Variants in TMPRSS9 observed in about 807,000 individuals in gnomAD.
TMPRSS9 encodes transmembrane protease serine 9.
A neutral mutation model predicts 111.4 loss-of-function variants in TMPRSS9; 113 were observed. That is an observed-to-expected ratio of 1.01 (90% confidence interval 0.87 to 1.19). The LOEUF (loss-of-function observed/expected upper bound fraction) is 1.19, where lower values mean the gene tolerates loss of function less well. TMPRSS9 is among the 50% of genes most tolerant of loss of function. TMPRSS9 has a pLI of 0.00. For missense variants in TMPRSS9, 1,803 were observed against 1,513.1 expected (o/e 1.19, Z -3.18); for synonymous variants, 805 against 659.1 (o/e 1.22, Z -3.39).
chr19:2,418,209 T>G, intron 13 of TMPRSS9, 71 bp downstream of exon 14: 3 of 1,486,978 alleles, frequency 2.0e-6, no homozygotes, highest in Non-Finnish European at 2.7e-6. Flanking sequence ...CAGCAGTTCT[T>G]TGTGTGCAGA....
chr19:2,425,154 G>T, exon 16 of TMPRSS9: 2 of 1,573,918 alleles, frequency 1.3e-6, no homozygotes, highest in South Asian at 1.1e-5. Context: ...GAGCTGGCGG[G>T]GCCGGTGCGT....
At chr19:2,423,654 G>A (rs577470923) in intron 14 of TMPRSS9, among the ~76,000 whole-genome samples, 84 of 152,300 alleles carry the variant, frequency 5.5e-4, no homozygotes, top group Middle Eastern at 3.4e-3. Flanking sequence ...GCTGGGTTCT[G>A]AGGAAGGCCT....
intron 1 of TMPRSS9, among the ~76,000 whole-genome samples, chr19:2,368,777 T>TTTTTTTTTTTG: frequency 1.0e-5 from 1 of 99,642 alleles, no homozygotes; most frequent in Admixed American, 9.9e-5. Context: ...AAACCCAGTT[T>TTTTTTTTTTTG]TTTTTTTTTT....
In TMPRSS9 at chr19:2,401,085, T is replaced by G. The variant is rs187218963; in HGVS notation, c.515-890T>G. On this transcript the variant is annotated intron_variant, in intron 4 of 17. Coordinates refer to ENST00000648592, the Ensembl canonical transcript of TMPRSS9. ...GTCAGGAGATCGAGACCATCCTGGC[T>G]AACACGGTGAAACCCCGTCTCTACT... is the stretch of plus-strand genomic sequence containing the variant. 4.2e-5 allele frequency among the ~76,000 whole-genome samples: 6 copies of G among 141,798 alleles called. No homozygotes were observed. The East Asian group carries it at 8.4e-4, about 20-fold the overall frequency. The allele number at this position is 141,798 out of a possible 152,430, so 93.0% of individuals were successfully genotyped here.
At chr19:2,371,987 G>A (rs1328557933) in intron 1 of TMPRSS9, among the ~76,000 whole-genome samples, 4 of 152,030 alleles carry the variant, frequency 2.6e-5, no homozygotes, top group Admixed American at 6.6e-5. Flanking sequence ...TGCAACCTCC[G>A]TCTCCCGGGT....
intron 1 of TMPRSS9, among the ~76,000 whole-genome samples, chr19:2,375,996 C>T (rs943012575): frequency 2.0e-5 from 3 of 152,112 alleles, no homozygotes; most frequent in Admixed American, 6.6e-5. Flanking sequence ...AACCATTCGG[C>T]TCTCTCCGAA....
intron 4 of TMPRSS9, among the ~76,000 whole-genome samples, chr19:2,400,378 C>G (rs902188165): frequency 6.6e-6 from 1 of 151,740 alleles, no homozygotes; most frequent in Non-Finnish European, 1.5e-5. Flanking sequence ...CCCGTCTCTA[C>G]TAAAAATACA....
chr19:2,370,627 C>A (rs1332645919), intron 1 of TMPRSS9, among the ~76,000 whole-genome samples: 1 of 152,034 alleles, frequency 6.6e-6, no homozygotes, highest in Non-Finnish European at 1.5e-5. Context: ...CCACGCCCAG[C>A]CAGAAACTTG....
intron 10 of TMPRSS9, among the ~76,000 whole-genome samples, chr19:2,415,018 T>C (rs1971194488): frequency 6.9e-6 from 1 of 144,466 alleles, no homozygotes; most frequent in Non-Finnish European, 1.5e-5. Context: ...TGATCTCGGC[T>C]CACTGCAACC....
chr19:2,380,250 C>A (rs929165988), intron 1 of TMPRSS9, among the ~76,000 whole-genome samples: 3 of 151,792 alleles, frequency 2.0e-5, no homozygotes, highest in South Asian at 2.1e-4. Flanking sequence ...TGCCACTGCA[C>A]CCTAGCCTGG....
chr19:2,415,875 C>T (rs763937776), intron 11 of TMPRSS9, 34 bp downstream of exon 12: 1 of 1,541,274 alleles, frequency 6.5e-7, no homozygotes, highest in African/African-American at 1.4e-5. Flanking sequence ...GGCTGCCCGG[C>T]TTCCCCTCCT....
Position 2,397,281 on chromosome 19 carries a change from G to C in TMPRSS9, c.270+615G>C, listed in dbSNP as rs377127737. On this transcript the variant is annotated intron_variant, in intron 2 of 17. Coordinates refer to ENST00000648592, the Ensembl canonical transcript of TMPRSS9. Reference sequence around the variant, plus strand: ...GGAATCAGAGCCCTCATGCACAGCTGGGGGAAGGTATTTTATTTTATTTTT... The same window carrying C: ...GGAATCAGAGCCCTCATGCACAGCTCGGGGAAGGTATTTTATTTTATTTTT... Among the ~76,000 whole-genome samples, 59 of 151,922 alleles carry C rather than the reference G, an allele frequency of 3.9e-4. 1 individual carries two copies. The South Asian group carries it at 6.9e-3, about 18-fold the overall frequency.
At chr19:2,385,371 G>C (rs1450184926), upstream of TMPRSS9, among the ~76,000 whole-genome samples, 1 of 152,180 alleles carries the variant, frequency 6.6e-6, no homozygotes, top group Non-Finnish European at 1.5e-5. Flanking sequence ...GCAGTTTCTC[G>C]CGGAAAATGG....
intron 1 of TMPRSS9, among the ~76,000 whole-genome samples, chr19:2,362,028 TGTG>T (rs1198049903): frequency 6.6e-6 from 1 of 151,974 alleles, no homozygotes; most frequent in African/African-American, 2.4e-5. Context: ...GATGTGTGGT[TGTG>T]TGTGGCAATA....
intron 11 of TMPRSS9, 70 bp downstream of exon 12, chr19:2,415,911 A>G: frequency 6.7e-7 from 1 of 1,491,782 alleles, no homozygotes; most frequent in Non-Finnish European, 9.0e-7. Flanking sequence ...GTCAGAAACC[A>G]TCCTGCTGGG....
chr19:2,398,775 T>G lies in TMPRSS9; in HGVS notation c.271-20T>G. The G allele has an allele frequency of 7.1e-7, 1 of 1,405,580 alleles. No homozygotes were observed. Among genetic ancestry groups the G allele is most frequent in the East Asian group, 3.5e-5 (1 of 28,490 alleles). The allele number at this position is 1,405,580 out of a possible 1,614,324, so 87.1% of individuals were successfully genotyped here. ...CCATGCTGTGGGTCTCAACATTTGA[T>G]ATTCTTGTTTCTATTGCAGTTTGTA... is the stretch of plus-strand genomic sequence containing the variant. On this transcript the variant is annotated intron_variant, in intron 2 of 17. Transcript: ENST00000648592.
At chr19:2,398,163 G>T (rs1970748559) in intron 2 of TMPRSS9, among the ~76,000 whole-genome samples, 1 of 150,184 alleles carries the variant, frequency 6.7e-6, no homozygotes, top group South Asian at 2.1e-4. Flanking sequence ...ACGCATGGTG[G>T]TGTGTGCCTG....
intron 1 of TMPRSS9, among the ~76,000 whole-genome samples, chr19:2,370,243 C>T (rs931583406): frequency 7.5e-5 from 11 of 146,960 alleles, no homozygotes; most frequent in African/African-American, 2.4e-4. Flanking sequence ...CACGGTGAAA[C>T]CCTGTCTCTA....
chr19:2,368,811 G>C (rs1970267890), intron 1 of TMPRSS9, among the ~76,000 whole-genome samples: 1 of 42,444 alleles, frequency 2.4e-5, no homozygotes, highest in Non-Finnish European at 4.8e-5. Context: ...TAAAGACAGA[G>C]TCTCACTCTG....
Sources: allele counts gnomAD v4.1 joint callset (sites outside exome capture counted in the v4.1 genomes callset), GRCh38; gene constraint gnomAD v4.1.1; transcripts MANE v1.5; gene names NCBI Gene and HGNC (gene_info 2026-07-23, HGNC 2026-07-21).